The following MCTP2 variants were observed in gnomAD, a reference collection of about 807,000 sequenced individuals.
The protein encoded by MCTP2 is multiple C2 and transmembrane domain containing 2.
MCTP2 carries 132 observed loss-of-function variants against 111.6 expected under a neutral mutation model. The ratio of observed to expected loss-of-function variants is 1.18; its 90% CI spans 1.03 to 1.37. The LOEUF (loss-of-function observed/expected upper bound fraction) is 1.37, where lower values mean the gene tolerates loss of function less well. Among genes scored for constraint, MCTP2 ranks in the 40% most tolerant of loss-of-function variants. The pLI is 0.00. For missense variants in MCTP2, 1,183 were observed against 1,067.9 expected (o/e 1.11, Z -1.50); for synonymous variants, 395 against 387.7 (o/e 1.02, Z -0.22).
At chr15:94,395,286 G>T (rs761635926) in intron 14 of MCTP2, among the ~76,000 whole-genome samples, 31 of 152,198 alleles carry the variant, frequency 2.0e-4, no homozygotes, top group Non-Finnish European at 3.2e-4. Context: ...GTGAATAACG[G>T]CTGAAAGAGC....
intron 9 of MCTP2, among the ~76,000 whole-genome samples, chr15:94,357,343 A>T (rs1411715304): frequency 6.6e-6 from 1 of 152,220 alleles, no homozygotes; most frequent in Non-Finnish European, 1.5e-5. Flanking sequence ...TTTGCCTCAC[A>T]GTGAGGGTAT....
intron 10 of MCTP2, among the ~76,000 whole-genome samples, chr15:94,363,218 G>A (rs771628667): frequency 4.8e-4 from 73 of 152,096 alleles, no homozygotes; most frequent in Non-Finnish European, 1.9e-4. Flanking sequence ...ATTGTATGCT[G>A]GGCAGAAGGC....
chr15:94,322,337 A>T (rs1188769066), intron 4 of MCTP2, among the ~76,000 whole-genome samples: 1 of 151,738 alleles, frequency 6.6e-6, no homozygotes, highest in African/African-American at 2.4e-5. Context: ...TATTTTGATG[A>T]ATCACTCTCT....
intron 1 of MCTP2, among the ~76,000 whole-genome samples, chr15:94,279,641 C>T (rs1314535733): frequency 6.6e-6 from 1 of 152,060 alleles, no homozygotes; most frequent in East Asian, 1.9e-4. Flanking sequence ...CTAGGACTTC[C>T]AGTACTATGC....
chr15:94,233,486 C>T (rs1465577197), intron 1 of MCTP2, among the ~76,000 whole-genome samples: 2 of 152,130 alleles, frequency 1.3e-5, no homozygotes, highest in African/African-American at 2.4e-5. Flanking sequence ...GTGAGTTTCT[C>T]AGCTGAGTGG....
At chr15:94,243,062 C>T (rs373037797) in intron 1 of MCTP2, among the ~76,000 whole-genome samples, 10 of 68,528 alleles carry the variant, frequency 1.5e-4, no homozygotes, top group South Asian at 4.8e-4. Flanking sequence ...TCTACACATA[C>T]ACGTGTATAT....
Position 94,298,185 on chromosome 15 carries a change from T to G in MCTP2, c.-65-16T>G. 1 of 1,066,786 alleles carries G rather than the reference T, an allele frequency of 9.4e-7. No individual in the cohort carries two copies. Among genetic ancestry groups the G allele is most frequent in the Admixed American group, 2.8e-5 (1 of 35,784 alleles). 66.1% of individuals were successfully genotyped at this position (1,066,786 alleles called of 1,614,324 possible). A position where few individuals can be genotyped will look rare whatever the true frequency, so the allele number is the denominator to read the frequency against. Reference sequence around the variant, plus strand: ...TTTTGTTTGTTTGTTTTTTGTTGTTTTTTTCTGTTTTATAGGAGTCATTGC... The same window carrying G: ...TTTTGTTTGTTTGTTTTTTGTTGTTGTTTTCTGTTTTATAGGAGTCATTGC... On this transcript the variant is annotated splice_polypyrimidine_tract_variant and intron_variant, in intron 1 of 22. Coordinates refer to ENST00000357742, the MANE Select transcript of MCTP2 (RefSeq NM_001385001.1).
chr15:94,287,226 G>A (rs181388901), intron 1 of MCTP2, among the ~76,000 whole-genome samples: 2 of 113,880 alleles, frequency 1.8e-5, no homozygotes, highest in Admixed American at 1.1e-4. Context: ...CGTACATTAC[G>A]TACTTTAAGA....
At chr15:94,267,711 A>G (rs1389550256) in intron 1 of MCTP2, among the ~76,000 whole-genome samples, 1 of 152,042 alleles carries the variant, frequency 6.6e-6, no homozygotes, top group Admixed American at 6.6e-5. Context: ...ATGTATGAGA[A>G]TTCCGCTTTC....
chr15:94,362,247 T>C (rs1567529777), intron 10 of MCTP2, among the ~76,000 whole-genome samples: 2 of 152,212 alleles, frequency 1.3e-5, no homozygotes, highest in Non-Finnish European at 2.9e-5. Flanking sequence ...TTAAACATAA[T>C]GTCAAGAGTA....
intron 1 of MCTP2, among the ~76,000 whole-genome samples, chr15:94,281,455 C>A (rs995428178): frequency 6.6e-6 from 1 of 152,136 alleles, no homozygotes; most frequent in Non-Finnish European, 1.5e-5. Flanking sequence ...GATGTTGTGG[C>A]AGTTGAGATG....
intron 1 of MCTP2, among the ~76,000 whole-genome samples, chr15:94,244,440 TTATA>T (rs755318414): frequency 5.4e-5 from 8 of 148,926 alleles, no homozygotes; most frequent in African/African-American, 1.7e-4. Flanking sequence ...GCACCTATGT[TTATA>T]TACGTATATG....
intron 12 of MCTP2, among the ~76,000 whole-genome samples, chr15:94,379,448 C>G (rs2079974275): frequency 6.6e-6 from 1 of 151,982 alleles, no homozygotes; most frequent in South Asian, 2.1e-4. Context: ...CCCACGTCCC[C>G]CAAGCCTCTC....
chr15:94,239,452 C>T (rs2070784496), intron 1 of MCTP2, among the ~76,000 whole-genome samples: 1 of 152,116 alleles, frequency 6.6e-6, no homozygotes, highest in African/African-American at 2.4e-5. Context: ...GTTCCTTGTC[C>T]TACAGCGACA....
chr15:94,439,312 T>G (rs994948759), intron 17 of MCTP2, among the ~76,000 whole-genome samples: 1 of 152,170 alleles, frequency 6.6e-6, no homozygotes, highest in African/African-American at 2.4e-5. Context: ...TAAGTTGATA[T>G]GTTATAGCAG....
At chr15:94,379,128 G>A (rs553622815) in intron 12 of MCTP2, among the ~76,000 whole-genome samples, 2 of 151,620 alleles carry the variant, frequency 1.3e-5, no homozygotes, top group Admixed American at 1.3e-4. Context: ...GGGCACAGAG[G>A]GACAACCTAT....
At chr15:94,474,533 C>T (rs578061814) in intron 21 of MCTP2, among the ~76,000 whole-genome samples, 53 of 152,234 alleles carry the variant, frequency 3.5e-4, no homozygotes, top group Admixed American at 1.6e-3. Flanking sequence ...GGTATTCCTA[C>T]GTCACAACCT....
At chr15:94,353,738 A>C (rs895365023) in intron 8 of MCTP2, among the ~76,000 whole-genome samples, 1 of 152,220 alleles carries the variant, frequency 6.6e-6, no homozygotes, top group African/African-American at 2.4e-5. Context: ...CTTTAAGAAG[A>C]AAAAAAGCAA....
chr15:94,355,887 A>G, intron 8 of MCTP2: 1 of 1,044,044 alleles, frequency 9.6e-7, no homozygotes, highest in Non-Finnish European at 1.2e-6. Flanking sequence ...GGGTGGGAGT[A>G]CCGGCCAGTG....
Sources: gnomAD v4.1 joint callset for allele counts (sites outside exome capture counted in the v4.1 genomes callset) on GRCh38, gnomAD v4.1.1 for gene constraint, MANE v1.5 for transcripts, NCBI Gene and HGNC (gene_info 2026-07-23, HGNC 2026-07-21) for gene names.